Variants in LPIN2 observed in about 807,000 individuals in gnomAD.
LPIN2 encodes phosphatidate phosphatase LPIN2.
Under a neutral mutation model 111.4 loss-of-function variants are expected in LPIN2, and 55 were observed. That is an observed-to-expected ratio of 0.49 (90% confidence interval 0.40 to 0.62). The LOEUF is 0.62. Ranked by LOEUF, LPIN2 falls within the 20% of genes least tolerant of loss-of-function variation. LPIN2 has a pLI of 0.00. For missense variants in LPIN2, 992 were observed against 1,112.1 expected, an observed-to-expected ratio of 0.89 and a Z score of 1.54; for synonymous variants, 425 against 414.0, an observed-to-expected ratio of 1.03 and a Z score of -0.32.
chr18:2,924,473 C>A lies in LPIN2; in HGVS notation c.2012G>T (p.Arg671Leu). 1 of 1,613,984 alleles carries A rather than the reference C, an allele frequency of 6.2e-7. No individual in the cohort carries two copies. Among genetic ancestry groups the A allele is most frequent in the Non-Finnish European group, 8.5e-7 (1 of 1,179,844 alleles). ...CCACAGGTAAATGGTCCCTGCACAG[C>A]GACAGGTGCCTTGATACTGGGTTGT... ...SITTQYQGTC[R>L]CAGTIYLWNW... Residue 671 changes from arginine to leucine, a missense_variant, in exon 15 of 20, where the codon CGC becomes CTC. By Grantham distance (102) the Arg-to-Leu change is moderately radical. This residue lies in a region of LPIN2 where 709 missense variants were observed against 753.2 expected (regional missense o/e 0.94). Coordinates refer to ENST00000677752, the MANE Select transcript of LPIN2 (RefSeq NM_001375808.2).
intron 1 of LPIN2, among the ~76,000 whole-genome samples, chr18:2,970,389 T>C (rs144530357): frequency 0.018 from 2,738 of 152,218 alleles, 44 homozygotes; most frequent in Non-Finnish European, 0.027. Context: ...TCATGAAACG[T>C]ATATGGAGAG....
intron 1 of LPIN2, among the ~76,000 whole-genome samples, chr18:2,985,819 C>G (rs1039567443): frequency 1.3e-5 from 2 of 152,196 alleles, no homozygotes; most frequent in African/African-American, 4.8e-5. Flanking sequence ...TACTCCCCCC[C>G]AGTGGCCATA....
At chr18:2,961,052 T>C (rs1262427345) in intron 1 of LPIN2, among the ~76,000 whole-genome samples, 1 of 152,168 alleles carries the variant, frequency 6.6e-6, no homozygotes, top group Non-Finnish European at 1.5e-5. Flanking sequence ...ACTATTCTCC[T>C]TTGTATCTGA....
At chr18:3,007,837 T>C (rs984678200) in intron 1 of LPIN2, among the ~76,000 whole-genome samples, 2 of 152,230 alleles carry the variant, frequency 1.3e-5, no homozygotes, top group Non-Finnish European at 2.9e-5. Flanking sequence ...TCAGATGACC[T>C]TATATTGAAT....
At chr18:2,953,690 C>T (rs982528345) in intron 3 of LPIN2, among the ~76,000 whole-genome samples, 4 of 152,104 alleles carry the variant, frequency 2.6e-5, no homozygotes, top group African/African-American at 7.2e-5. Context: ...AAAAGTAGTC[C>T]TGTATCCTTA....
At chr18:2,937,544 TAAA>T (rs71366618) in intron 7 of LPIN2, 145 bp downstream of exon 7, 39,653 of 330,592 alleles carry the variant, frequency 0.12, 17 homozygotes, top group East Asian at 0.17. Flanking sequence ...AAACTCCAGC[TAAA>T]AAAAAAAAAA....
At chr18:2,983,412 A>T (rs572864194) in intron 1 of LPIN2, among the ~76,000 whole-genome samples, 10 of 152,374 alleles carry the variant, frequency 6.6e-5, no homozygotes, top group African/African-American at 2.2e-4. Context: ...TGTAAAATTA[A>T]AACATTCCTG....
chr18:2,924,226 C>CA (rs1375759930), intron 15 of LPIN2, among the ~76,000 whole-genome samples, 172 bp downstream of exon 15: 3 of 152,058 alleles, frequency 2.0e-5, no homozygotes, highest in African/African-American at 4.8e-5. Context: ...CTCCTCCATG[C>CA]AAAAAAATGA....
At chr18:2,954,838 A>G (rs2077584923) in intron 2 of LPIN2, among the ~76,000 whole-genome samples, 1 of 152,220 alleles carries the variant, frequency 6.6e-6, no homozygotes, top group Non-Finnish European at 1.5e-5. Context: ...TATTTTTACA[A>G]CATATAAAAA....
chr18:2,981,622 A>G (rs1479951528), intron 1 of LPIN2, among the ~76,000 whole-genome samples: 4 of 152,204 alleles, frequency 2.6e-5, no homozygotes, highest in South Asian at 2.1e-4. Context: ...GAGTGAGCCA[A>G]TATGTGTATA....
At chr18:2,991,986 C>T (rs368028066) in intron 1 of LPIN2, among the ~76,000 whole-genome samples, 2 of 145,524 alleles carry the variant, frequency 1.4e-5, no homozygotes, top group Admixed American at 7.0e-5. Flanking sequence ...CTAGCCTGGG[C>T]GACAGAGTGA....
At chr18:2,946,146 T>C (rs1463398655) in intron 4 of LPIN2, 17 of 1,606,922 alleles carry the variant, frequency 1.1e-5, no homozygotes, top group East Asian at 2.2e-5. Context: ...AGTTTAAGTT[T>C]ATCAAGTGCT....
At position 2,925,664 on chromosome 18, in the gene LPIN2, A is replaced by T. The variant is rs2077120620; in HGVS notation, c.1794-296T>A. 6.6e-6 allele frequency among the ~76,000 whole-genome samples: 1 copy of T among 152,220 alleles called. No homozygotes were observed. The highest frequency in any genetic ancestry group is 6.5e-5 in the Admixed American group (1 of 15,282). On this transcript the variant is annotated intron_variant, in intron 13 of 19. Transcript: ENST00000677752. This position sits in a 1 kb window ranked among gnomAD's most constrained non-coding sequence, Gnocchi z 4.1. ...CTGACTCTTGTTGAAGAGGGTATGT[A>T]TGTTTCACAAGGCACAAATCAAAGA...
At chr18:3,007,472 G>A (rs1255221445) in intron 1 of LPIN2, among the ~76,000 whole-genome samples, 1 of 152,112 alleles carries the variant, frequency 6.6e-6, no homozygotes, top group Non-Finnish European at 1.5e-5. Flanking sequence ...CACCTATCCA[G>A]GTACCTATTA....
At chr18:2,956,397 G>C (rs894618048) in intron 2 of LPIN2, among the ~76,000 whole-genome samples, 14 of 150,612 alleles carry the variant, frequency 9.3e-5, no homozygotes, top group Admixed American at 8.6e-4. Flanking sequence ...GGGCTGCCTA[G>C]AAGCAATGAT....
At chr18:2,930,395 A>G (rs1226858375) in intron 9 of LPIN2, among the ~76,000 whole-genome samples, 1 of 152,228 alleles carries the variant, frequency 6.6e-6, no homozygotes, top group Non-Finnish European at 1.5e-5. Context: ...CAAAATATAA[A>G]GCAAACAAAC....
intron 4 of LPIN2, among the ~76,000 whole-genome samples, chr18:2,949,651 C>T (rs1028812411): frequency 4.6e-5 from 7 of 151,698 alleles, no homozygotes; most frequent in South Asian, 2.1e-4. Context: ...CTTATAATAT[C>T]GAATTGTAAA....
At position 2,920,126 on chromosome 18, in the gene LPIN2, G is replaced by A. The variant is rs533979693; in HGVS notation, c.*167C>T. ...CCAGGAGCTGAGCTGCAGACCTGCC[G>A]AGCCTGAGCAGCTGGCCTGGGAAGG... On this transcript the variant is annotated 3_prime_UTR_variant, in exon 20 of 20. Coordinates refer to ENST00000677752, the MANE Select transcript of LPIN2 (RefSeq NM_001375808.2). 1.6e-4 allele frequency: 141 copies of A among 862,544 alleles called. 1 individual carries two copies. Among genetic ancestry groups the A allele is most frequent in the African/African-American group, 3.0e-4 (18 of 60,558 alleles). The allele number at this position is 862,544 out of a possible 1,614,324, so 53.4% of individuals were successfully genotyped here. A position where few individuals can be genotyped will look rare whatever the true frequency, so the allele number is the denominator to read the frequency against.
chr18:2,973,689 TG>T (rs2077960466), intron 1 of LPIN2, among the ~76,000 whole-genome samples: 2 of 152,260 alleles, frequency 1.3e-5, no homozygotes. Flanking sequence ...TTTTGAATTT[TG>T]GATATTTTCA....
Sources: allele counts gnomAD v4.1 joint callset (sites outside exome capture counted in the v4.1 genomes callset), GRCh38; gene constraint gnomAD v4.1.1; regional missense constraint gnomAD v4.1.1; non-coding constraint Gnocchi (gnomAD v3.1); transcripts MANE v1.5; gene names NCBI Gene and HGNC (gene_info 2026-07-23, HGNC 2026-07-21).